Variants in PALS2 observed in about 807,000 individuals in gnomAD.
PALS2 encodes protein PALS2.
A neutral mutation model predicts 61.6 loss-of-function variants in PALS2; 27 were observed. That is an observed-to-expected ratio of 0.44 (90% CI 0.32 to 0.60). PALS2 has a LOEUF of 0.60. PALS2 is among the 20% of genes least tolerant of loss of function. The probability of loss-of-function intolerance (pLI) is 0.05; values close to 1 mark genes in which losing one functional copy is unlikely to be tolerated. For missense variants in PALS2, 554 were observed against 639.4 expected, an observed-to-expected ratio of 0.87 and a Z score of 1.44; for synonymous variants, 236 against 218.6, an observed-to-expected ratio of 1.08 and a Z score of -0.70.
intron 11 of PALS2, among the ~76,000 whole-genome samples, chr7:24,681,647 A>G (rs559997682): frequency 4.7e-4 from 71 of 152,108 alleles, no homozygotes; most frequent in Non-Finnish European, 6.5e-4. Context: ...TAATTGACAC[A>G]TAATAAGCTG....
chr7:24,637,050 T>TA (rs1785272380), intron 2 of PALS2, among the ~76,000 whole-genome samples: 1 of 152,170 alleles, frequency 6.6e-6, no homozygotes, highest in Non-Finnish European at 1.5e-5. Flanking sequence ...GCCAAGCTTT[T>TA]AAAATGTTGT....
chr7:24,651,233 T>G (rs544156917), intron 5 of PALS2, among the ~76,000 whole-genome samples: 4 of 152,292 alleles, frequency 2.6e-5, no homozygotes, highest in Admixed American at 6.5e-5. Context: ...GGAAAATGTT[T>G]TAGTTATAGA....
chr7:24,619,731 AAAAAG>A (rs1784424096), intron 1 of PALS2, among the ~76,000 whole-genome samples: 2 of 151,676 alleles, frequency 1.3e-5, no homozygotes, highest in Non-Finnish European at 2.9e-5. Context: ...AAAAAAAAAA[AAAAAG>A]AAAGAAAAAA....
intron 5 of PALS2, among the ~76,000 whole-genome samples, chr7:24,651,576 C>T (rs893320696): frequency 2.6e-5 from 4 of 151,994 alleles, no homozygotes; most frequent in Non-Finnish European, 4.4e-5. Context: ...GTGGTGATGA[C>T]GCAGTAGTGG....
chr7:24,576,749 A>G (rs553832364), intron 1 of PALS2, among the ~76,000 whole-genome samples: 2 of 152,346 alleles, frequency 1.3e-5, no homozygotes, highest in East Asian at 1.9e-4. Flanking sequence ...TGTGAAGTGT[A>G]TCTATATCCA....
chr7:24,623,730 C>G lies in PALS2; in HGVS notation c.63C>G (p.Asp21Glu). The G allele has an allele frequency of 6.2e-7, 1 of 1,608,976 alleles. No homozygotes were observed. Among genetic ancestry groups the G allele is most frequent in the Admixed American group, 1.7e-5 (1 of 59,082 alleles). ...LPSSTGAEEI[D>E]LIFLKGIMEN... Reference sequence around the variant, plus strand: ...CGTCTACTGGAGCAGAAGAAATAGACCTAATTTTCCTCAAGGGAATTATGG... The same window carrying G: ...CGTCTACTGGAGCAGAAGAAATAGAGCTAATTTTCCTCAAGGGAATTATGG... Residue 21 changes from aspartate to glutamate, a missense_variant, in exon 2 of 12, where the codon GAC becomes GAG. Coordinates refer to ENST00000222644, the MANE Select transcript of PALS2 (RefSeq NM_001303037.2).
Position 24,687,806 on chromosome 7 carries a change from A to C in PALS2, c.*192A>C. The C allele has an allele frequency of 2.4e-6, 1 of 424,444 alleles. No individual in the cohort carries two copies. The highest frequency in any genetic ancestry group is 4.0e-6 in the Non-Finnish European group (1 of 250,986). The allele number at this position is 424,444 out of a possible 1,614,324, so 26.3% of individuals were successfully genotyped here. ...GTGGTTGGAAGGTGTACTAATATATAATTTATCTTAATTTTTCTAACTTTG... is the reference window on the plus strand; with the variant it reads ...GTGGTTGGAAGGTGTACTAATATATCATTTATCTTAATTTTTCTAACTTTG... On this transcript the variant is annotated 3_prime_UTR_variant, in exon 12 of 12. Transcript: ENST00000222644. The surrounding 1 kb of genome is among the most constrained non-coding windows in gnomAD (Gnocchi z 4.5).
At chr7:24,581,353 A>T (rs1006302541) in intron 1 of PALS2, among the ~76,000 whole-genome samples, 2 of 151,748 alleles carry the variant, frequency 1.3e-5, no homozygotes, top group African/African-American at 2.4e-5. Context: ...TGCTCTCTGG[A>T]ATAACCTCCC....
At chr7:24,580,930 T>C (rs1265588287) in intron 1 of PALS2, among the ~76,000 whole-genome samples, 1 of 152,234 alleles carries the variant, frequency 6.6e-6, no homozygotes, top group East Asian at 1.9e-4. Context: ...AATTATGTTT[T>C]TTAAGTCACT....
At chr7:24,671,599 TCAAGGCTTTCCCTAACC>T (rs1787299713) in intron 9 of PALS2, among the ~76,000 whole-genome samples, 1 of 152,208 alleles carries the variant, frequency 6.6e-6, no homozygotes, top group Admixed American at 6.5e-5. Context: ...TGGTACCATA[TCAAGGCTTTCCCTAACC>T]CAAGGCCACA....
In PALS2 at chr7:24,599,430, A is replaced by G. The variant is rs570213272; in HGVS notation, c.-2-24236A>G. Among the ~76,000 whole-genome samples the G allele has an allele frequency of 3.9e-5, 6 of 152,048 alleles. No homozygotes were observed. The South Asian group carries it at 8.3e-4, about 21-fold the overall frequency. On this transcript the variant is annotated intron_variant, in intron 1 of 11. Coordinates refer to ENST00000222644, the MANE Select transcript of PALS2 (RefSeq NM_001303037.2). ...CTTTCTAAACTCCAGCTCTTTTGTA[A>G]TAACACTTAGCTTAAAATACAAATG...
At chr7:24,581,690 C>T (rs967566118) in intron 1 of PALS2, among the ~76,000 whole-genome samples, 5 of 152,098 alleles carry the variant, frequency 3.3e-5, no homozygotes, top group Admixed American at 2.0e-4. Context: ...ACAGGGCAGC[C>T]CCCCTCAACA....
chr7:24,595,518 T>A (rs1007582780), intron 1 of PALS2, among the ~76,000 whole-genome samples: 5 of 91,084 alleles, frequency 5.5e-5, no homozygotes, highest in South Asian at 4.2e-4. Flanking sequence ...TAATATATAA[T>A]ATATATAATA....
intron 1 of PALS2, among the ~76,000 whole-genome samples, chr7:24,585,975 T>A (rs2128041455): frequency 6.6e-6 from 1 of 152,242 alleles, no homozygotes; most frequent in South Asian, 2.1e-4. Context: ...GCAAATTATC[T>A]CCAAAAAGAG....
At chr7:24,643,107 A>T (rs1039601398) in intron 3 of PALS2, among the ~76,000 whole-genome samples, 1 of 152,206 alleles carries the variant, frequency 6.6e-6, no homozygotes, top group African/African-American at 2.4e-5. Context: ...TGGGAAGTTG[A>T]TAACACAATT....
At chr7:24,641,571 G>A in intron 2 of PALS2, 145 bp from the exon 3 acceptor site, 3 of 634,984 alleles carry the variant, frequency 4.7e-6, no homozygotes, top group Non-Finnish European at 7.7e-6. Context: ...TCTATATATT[G>A]CCTCTGGTTG....
chr7:24,610,360 G>T (rs1784070827), intron 1 of PALS2, among the ~76,000 whole-genome samples: 1 of 152,082 alleles, frequency 6.6e-6, no homozygotes, highest in Admixed American at 6.6e-5. Flanking sequence ...TTTCATACAT[G>T]TGTTTATACA....
intron 1 of PALS2, among the ~76,000 whole-genome samples, chr7:24,581,949 G>A (rs2128039751): frequency 2.0e-5 from 3 of 152,272 alleles, no homozygotes; most frequent in Admixed American, 2.0e-4. Context: ...CTACATTCAT[G>A]TGTCAGTCTT....
intron 6 of PALS2, among the ~76,000 whole-genome samples, chr7:24,664,840 A>G (rs1445076633): frequency 6.6e-6 from 1 of 151,450 alleles, no homozygotes; most frequent in Non-Finnish European, 1.5e-5. Context: ...TATGAATACG[A>G]TCTCTTAGTT....
Sources: gnomAD v4.1 joint callset for allele counts (sites outside exome capture counted in the v4.1 genomes callset) on GRCh38, gnomAD v4.1.1 for gene constraint, Gnocchi (gnomAD v3.1) non-coding constraint, MANE v1.5 for transcripts, NCBI Gene and HGNC (gene_info 2026-07-23, HGNC 2026-07-21) for gene names.